Variants in MAF observed in about 807,000 individuals in gnomAD.
MAF encodes transcription factor Maf.
In MAF, 10 loss-of-function variants were observed where a neutral mutation model predicts 22.0. The ratio of observed to expected loss-of-function variants is 0.45; its 90% CI spans 0.28 to 0.77. The LOEUF (loss-of-function observed/expected upper bound fraction) is 0.77. Among genes scored for constraint, MAF ranks in the 30% least tolerant of loss-of-function variants. The pLI is 0.12. For synonymous variants in MAF, 337 were observed against 255.8 expected (o/e 1.32, Z -3.03); for missense variants, 544 against 548.4 (o/e 0.99, Z 0.08).
At chr16:79,396,448 T>G in the MAF span, among the ~76,000 whole-genome samples, 1 of 152,220 alleles carries the variant, frequency 6.6e-6, no homozygotes, top group African/African-American at 2.4e-5. Flanking sequence ...GATTCAATTT[T>G]TATACATCCC....
At chr16:79,216,013 T>C in the MAF span, among the ~76,000 whole-genome samples, 1 of 152,230 alleles carries the variant, frequency 6.6e-6, no homozygotes, top group African/African-American at 2.4e-5. Context: ...TCCTTGGCTA[T>C]TTCTGTGATA....
At chr16:79,233,248 CAACA>C in the MAF span, among the ~76,000 whole-genome samples, 14 of 152,058 alleles carry the variant, frequency 9.2e-5, no homozygotes, top group African/African-American at 3.1e-4. Context: ...TTTACTCACT[CAACA>C]AACAATCACC....
chr16:79,549,457 G>C, the MAF span, among the ~76,000 whole-genome samples: 1 of 152,180 alleles, frequency 6.6e-6, no homozygotes, highest in Non-Finnish European at 1.5e-5. Flanking sequence ...AGAGCTGTAC[G>C]TTCCTCAACA....
chr16:79,453,919 A>G, the MAF span, among the ~76,000 whole-genome samples: 8 of 152,188 alleles, frequency 5.3e-5, no homozygotes, highest in Admixed American at 3.3e-4. Flanking sequence ...AAAATACTAA[A>G]TACCTACCTT....
At chr16:79,292,254 G>C in the MAF span, among the ~76,000 whole-genome samples, 6 of 152,098 alleles carry the variant, frequency 3.9e-5, no homozygotes, top group Non-Finnish European at 1.5e-5. Flanking sequence ...ACTGGATTAG[G>C]GTGAGCCCTA....
At chr16:79,591,869 A>G (rs1249786363), downstream of MAF, among the ~76,000 whole-genome samples, 1 of 152,228 alleles carries the variant, frequency 6.6e-6, no homozygotes, top group Non-Finnish European at 1.5e-5. Context: ...ATACATTTAT[A>G]AATATACTCA....
At chr16:79,374,952 T>C in the MAF span, among the ~76,000 whole-genome samples, 55 of 152,334 alleles carry the variant, frequency 3.6e-4, no homozygotes, top group African/African-American at 1.2e-3. Context: ...TGTGCATATG[T>C]GTTGTATACA....
the MAF span, among the ~76,000 whole-genome samples, chr16:79,396,262 T>C: frequency 6.6e-6 from 1 of 152,136 alleles, no homozygotes; most frequent in East Asian, 1.9e-4. Context: ...CCTACCCCAG[T>C]TCCACATGGA....
the MAF span, among the ~76,000 whole-genome samples, chr16:79,509,496 G>T: frequency 6.6e-6 from 1 of 152,172 alleles, no homozygotes; most frequent in Non-Finnish European, 1.5e-5. Context: ...GCCCTTGCTG[G>T]ATGGAACACG....
chr16:79,383,302 T>G, the MAF span, among the ~76,000 whole-genome samples: 1 of 152,152 alleles, frequency 6.6e-6, no homozygotes, highest in Non-Finnish European at 1.5e-5. Flanking sequence ...CAACTTCATG[T>G]ATCCAGATAA....
At chr16:79,408,391 G>C in the MAF span, among the ~76,000 whole-genome samples, 37 of 152,130 alleles carry the variant, frequency 2.4e-4, no homozygotes, top group African/African-American at 7.5e-4. Flanking sequence ...GTTCAGGCTG[G>C]TCTCAACCTC....
the MAF span, among the ~76,000 whole-genome samples, chr16:79,493,811 G>C: frequency 1.3e-5 from 2 of 151,850 alleles, no homozygotes; most frequent in Non-Finnish European, 2.9e-5. Context: ...GAGAAAACAA[G>C]TTCCAAGGAA....
the MAF span, among the ~76,000 whole-genome samples, chr16:79,384,011 A>G: frequency 2.6e-5 from 4 of 152,222 alleles, no homozygotes; most frequent in African/African-American, 9.6e-5. Flanking sequence ...GACAGCAACC[A>G]GGTGTGACGT....
the MAF span, among the ~76,000 whole-genome samples, chr16:79,412,458 T>C: frequency 1.3e-5 from 2 of 152,240 alleles, no homozygotes; most frequent in African/African-American, 2.4e-5. Context: ...ATTGCTTGAA[T>C]GTTCCATGAA....
At chr16:79,558,654 G>GAACTCA in the MAF span, among the ~76,000 whole-genome samples, 1 of 152,114 alleles carries the variant, frequency 6.6e-6, no homozygotes, top group Non-Finnish European at 1.5e-5. Flanking sequence ...TTCATAGTTG[G>GAACTCA]AACTCAGTCC....
chr16:79,456,856 T>C, the MAF span, among the ~76,000 whole-genome samples: 3 of 152,190 alleles, frequency 2.0e-5, no homozygotes, highest in Non-Finnish European at 2.9e-5. Context: ...ACCCTATTTA[T>C]ATGCAAACAC....
chr16:79,379,808 C>T, the MAF span, among the ~76,000 whole-genome samples: 11 of 152,070 alleles, frequency 7.2e-5, no homozygotes, highest in African/African-American at 1.2e-4. Flanking sequence ...CTGCTCCAAG[C>T]GGTAAAGCTC....
At chr16:79,246,759 G>A in the MAF span, among the ~76,000 whole-genome samples, 15 of 152,062 alleles carry the variant, frequency 9.9e-5, no homozygotes, top group African/African-American at 4.8e-5. Context: ...ATTCAACATT[G>A]GAACTTTACC....
At chr16:79,251,882 T>C in the MAF span, among the ~76,000 whole-genome samples, 9 of 152,226 alleles carry the variant, frequency 5.9e-5, no homozygotes, top group African/African-American at 2.2e-4. Flanking sequence ...AGCCTTGATA[T>C]TTAAACTTCT....
Sources: allele counts gnomAD v4.1 joint callset (sites outside exome capture counted in the v4.1 genomes callset), GRCh38; gene constraint gnomAD v4.1.1; transcripts MANE v1.5; gene names NCBI Gene and HGNC (gene_info 2026-07-23, HGNC 2026-07-21).